Variants in KCP observed in about 807,000 individuals in gnomAD.
KCP encodes the protein kielin/chordin-like protein.
In KCP, 194 loss-of-function variants were observed where a neutral mutation model predicts 212.7. The observed-to-expected ratio is 0.91, with a 90% CI of 0.81 to 1.03. The LOEUF is 1.03. KCP is among the 50% of genes least tolerant of loss of function. The pLI is 0.00. For synonymous variants in KCP, 833 were observed against 865.3 expected (o/e 0.96, Z 0.65); for missense variants, 2,080 against 2,162.5 (o/e 0.96, Z 0.76).
chr7:128,877,539 G>A lies in KCP; in HGVS notation c.4563C>T (p.Ala1521=). 1 of 1,551,474 alleles carries A rather than the reference G, an allele frequency of 6.4e-7. No individual in the cohort carries two copies. The highest frequency in any genetic ancestry group is 8.7e-7 in the Non-Finnish European group (1 of 1,146,970). The change falls in exon 39 of 40, where the codon GCC becomes GCT. Residue 1521 remains alanine (A), a synonymous_variant. Coordinates refer to ENST00000610776, the MANE Select transcript of KCP (RefSeq NM_001366122.1). The stretch of plus-strand genomic sequence containing the variant: ...TCACTCCTGCCTGGCGACAGTGACT[G>A]GCGTAGGCTTCCAGGGCATCACAGA... ...ACLCDALEAY[A]SHCRQAGVTP...
rs1480844792 is a variant in KCP, at chr7:128,888,928, G to A, written c.2447C>T (p.Pro816Leu). 6.4e-7 allele frequency: 1 copy of A among 1,550,658 alleles called. No individual in the cohort carries two copies. The highest frequency in any genetic ancestry group is 1.4e-5 in the African/African-American group (1 of 72,956). ...GTGGCTGCAGCCCGGAGGCTCACAG[G>A]GCCGGCGGCCGCAGGTCACGAAGCC... The part of the protein sequence containing the change: ...LGGFVTCGRR[P>L]CEPPGCSHPL... Residue 816 changes from proline to leucine, a missense_variant, in exon 22 of 40, where the codon CCC becomes CTC. Pro to Leu is a moderately conservative substitution (Grantham distance 98). Coordinates refer to ENST00000610776, the MANE Select transcript of KCP (RefSeq NM_001366122.1).
rs1404128076 is a variant in KCP at position 128,883,996 on chromosome 7, A to G, written c.3244+6T>C. 6.5e-6 allele frequency: 10 copies of G among 1,547,912 alleles called. No homozygotes were observed. In the African/African-American group the frequency reaches 1.1e-4, roughly 17 times the overall value. On this transcript the variant is annotated splice_donor_region_variant and intron_variant, in intron 29 of 39. Transcript: ENST00000610776. Reference sequence around the variant, plus strand: ...ATCTCATCTACCCCCACATCCCTGGACTCACCGGCACAGGTGGGACAGCAG... The same window carrying G: ...ATCTCATCTACCCCCACATCCCTGGGCTCACCGGCACAGGTGGGACAGCAG...
chr7:128,885,643 G>A (rs552765651), intron 26 of KCP, among the ~76,000 whole-genome samples: 6 of 152,168 alleles, frequency 3.9e-5, no homozygotes, highest in South Asian at 2.1e-4. Context: ...CAGTCTCTCC[G>A]GGCCTCAGTC....
chr7:128,880,006 T>G lies in KCP; in HGVS notation c.3839A>C (p.Asp1280Ala), dbSNP rs1585193480. The change falls in exon 35 of 40, where the codon GAC (aspartate) becomes GCC (alanine). Residue 1280 changes from aspartate (D) to alanine (A), a missense_variant. Transcript: ENST00000610776. ...GCCGTCGAAGGTGCGGTAATGGGGG[T>G]CTCCGAAGGCCATGCAGGAAGCGGG... is the stretch of plus-strand genomic sequence containing the variant. ...PRPASCMAFGDPHYRTFDGRL... is the reference protein window; with the variant it reads ...PRPASCMAFGAPHYRTFDGRL... 6.5e-7 allele frequency: 1 copy of G among 1,549,278 alleles called. No individual in the cohort carries two copies. The highest frequency in any genetic ancestry group is 8.7e-7 in the Non-Finnish European group (1 of 1,146,686).
At chr7:128,908,675 A>T (rs1585264036) in intron 1 of KCP, 107 bp from the exon 2 acceptor site, 1 of 1,226,714 alleles carries the variant, frequency 8.2e-7, no homozygotes, top group African/African-American at 1.5e-5. Context: ...CATCCTGTGC[A>T]CCCTGCCCTC....
chr7:128,887,993 A>AT (rs756884960), intron 22 of KCP, among the ~76,000 whole-genome samples: 2 of 143,708 alleles, frequency 1.4e-5, no homozygotes, highest in African/African-American at 2.6e-5. Flanking sequence ...ACACACAGAG[A>AT]CCCCCCCACA....
chr7:128,888,862 C>T lies in KCP; in HGVS notation c.2512+1G>A. On this transcript the variant is annotated splice_donor_variant, in intron 22 of 39. Transcript: ENST00000610776. LOFTEE classifies it high-confidence loss of function. ...GAATGGAAGGGCAGGTGTGGCTCTA[C>T]CCTGGCAGGTCGGGCAGCAGTGCCC... 1 of 1,548,696 alleles carries T rather than the reference C, an allele frequency of 6.5e-7. No individual in the cohort carries two copies. Among genetic ancestry groups the T allele is most frequent in the South Asian group, 1.2e-5 (1 of 83,954 alleles).
chr7:128,877,169 AGGGCAC>A lies in KCP; in HGVS notation c.4755_4760del (p.Gln1585_Pro1587delinsHis). On this transcript the variant is annotated inframe_deletion, in exon 40 of 40. Coordinates refer to ENST00000610776, the MANE Select transcript of KCP (RefSeq NM_001366122.1). ...GGGCCTCATGCTCCACCAGGCCTGC[AGGGCAC>A]TGGCAGCCGGGCACGCAGGGCCTCA... is the stretch of plus-strand genomic sequence containing the variant. 1 of 1,493,630 alleles carries A rather than the reference AGGGCAC, an allele frequency of 6.7e-7. No individual in the cohort carries two copies. Among genetic ancestry groups the A allele is most frequent in the Non-Finnish European group, 8.9e-7 (1 of 1,122,284 alleles). The allele number at this position is 1,493,630 out of a possible 1,614,324, so 92.5% of individuals were successfully genotyped here.
intron 22 of KCP, 82 bp downstream of exon 22, chr7:128,888,781 G>C: frequency 7.5e-7 from 1 of 1,329,964 alleles, no homozygotes; most frequent in Non-Finnish European, 1.0e-6. Context: ...GGCAGTGGGA[G>C]GGCTGGGAGG....
In KCP at chr7:128,880,991, G is replaced by C. The variant is rs1399370346; in HGVS notation, c.3513+6C>G. 2.5e-6 allele frequency: 1 copy of C among 398,842 alleles called. No homozygotes were observed. Among genetic ancestry groups the C allele is most frequent in the Non-Finnish European group, 4.4e-6 (1 of 226,340 alleles). The allele number at this position is 398,842 out of a possible 1,614,324, so 24.7% of individuals were successfully genotyped here. The stretch of plus-strand genomic sequence containing the variant: ...CCTCCACCCTCCCAGGCCCACCCCA[G>C]CTCACATGGCAGGTGCAGGCGATGC... On this transcript the variant is annotated splice_donor_region_variant and intron_variant, in intron 32 of 39. Coordinates refer to ENST00000610776, the MANE Select transcript of KCP (RefSeq NM_001366122.1).
chr7:128,907,378 G>T lies in KCP; in HGVS notation c.295C>A (p.Leu99Met). Residue 99 changes from leucine to methionine, a missense_variant, in exon 3 of 40, where the codon CTG becomes ATG. Physicochemically the swap from Leu to Met is conservative, Grantham distance 15. Coordinates refer to ENST00000610776, the MANE Select transcript of KCP (RefSeq NM_001366122.1). ...CHPASPQCWG[L>M]GRAWPEGARW... ...GCCCCCTCGGGCCAGGCACGCCCCA[G>T]CCCCCAGCACTGGGGAGATGCAGGG... The T allele has an allele frequency of 6.5e-7, 1 of 1,540,962 alleles. No individual in the cohort carries two copies.
At chr7:128,880,239 C>G (rs1247325993) in intron 34 of KCP, 147 bp downstream of exon 34, 2 of 1,283,828 alleles carry the variant, frequency 1.6e-6, no homozygotes, top group Non-Finnish European at 2.1e-6. Context: ...GGCACCACAT[C>G]GTGGTCGCAC....
chr7:128,906,883 T>G (rs991042240), intron 4 of KCP, among the ~76,000 whole-genome samples: 6 of 152,072 alleles, frequency 3.9e-5, no homozygotes, highest in Admixed American at 1.3e-4. Flanking sequence ...TCCATGCCAC[T>G]GTTGGCCAGG....
intron 32 of KCP, 72 bp from the exon 33 acceptor site, chr7:128,880,793 T>C: frequency 5.0e-6 from 2 of 403,906 alleles, no homozygotes; most frequent in Non-Finnish European, 8.7e-6. Context: ...TCTGGGGGCC[T>C]CTGGGCATGG....
rs764850310 is a variant in KCP, at chr7:128,886,490, C to G, written c.2840G>C (p.Arg947Pro). ...PLPCKLQVTE[R>P]GSCCPRCRGC... is the part of the protein sequence containing the mutation. ...TCTGCAGCGAGGGCAGCAGCTCCCC[C>G]GCTCGGTGACCTGGAGCTTGCAGGG... The change falls in exon 26 of 40, where the codon CGG becomes CCG. Residue 947 changes from arginine to proline, a missense_variant. By Grantham distance (103) the Arg-to-Pro change is moderately radical (BLOSUM62 -2). Coordinates refer to ENST00000610776, the MANE Select transcript of KCP (RefSeq NM_001366122.1). 12 of 1,550,116 alleles carry G rather than the reference C, an allele frequency of 7.7e-6. No homozygotes were observed. Among genetic ancestry groups the G allele is most frequent in the African/African-American group, 1.4e-5 (1 of 72,992 alleles).
In KCP at chr7:128,881,720, C is replaced by T. The variant is rs1222226732; in HGVS notation, c.3330G>A (p.Leu1110=). The T allele has an allele frequency of 6.5e-7, 1 of 1,535,480 alleles. No homozygotes were observed. The change falls in exon 31 of 40, where the codon CTG becomes CTA. Residue 1110 remains leucine, a synonymous_variant. Coordinates refer to ENST00000610776, the MANE Select transcript of KCP (RefSeq NM_001366122.1). ...AAGCCTGGTGGATGCAGAGCCATGT[C>T]AGGTCCTGCCCATGTGAACACAAGA... ...DPCYTCQCQD[L]TWLCIHQACP... is the part of the protein sequence containing the mutation.
Position 128,879,540 on chromosome 7 carries a change from G to T in KCP, c.4128C>A (p.His1376Gln). The T allele has an allele frequency of 6.5e-7, 1 of 1,550,008 alleles. No homozygotes were observed. Among genetic ancestry groups the T allele is most frequent in the East Asian group, 2.4e-5 (1 of 40,910 alleles). Residue 1376 changes from histidine (H) to glutamine (Q), a missense_variant, in exon 37 of 40, where the codon CAC becomes CAA. Coordinates refer to ENST00000610776, the MANE Select transcript of KCP (RefSeq NM_001366122.1). The stretch of plus-strand genomic sequence containing the variant: ...GCCGCACCTGGAGCCCGGGCTGGGC[G>T]TGCAGGATCACAGTGTGTCCTCGCA... ...VELRGHTVIL[H>Q]AQPGLQVLWD...
At chr7:128,906,412 G>C (rs1201909155) in intron 4 of KCP, 49 bp from the exon 5 acceptor site, 1 of 1,326,554 alleles carries the variant, frequency 7.5e-7, no homozygotes, top group East Asian at 2.5e-5. Flanking sequence ...TTCCTGGAGG[G>C]CAGGGCCTCT....
At chr7:128,878,488 A>G in intron 38 of KCP, 70 bp downstream of exon 38, 2 of 1,454,716 alleles carry the variant, frequency 1.4e-6, no homozygotes, top group Admixed American at 2.3e-5. Context: ...TCCATGCCAG[A>G]GGGTTGCTCT....
Sources: allele counts gnomAD v4.1 joint callset (sites outside exome capture counted in the v4.1 genomes callset), GRCh38; gene constraint gnomAD v4.1.1; transcripts MANE v1.5; gene names NCBI Gene and HGNC (gene_info 2026-07-23, HGNC 2026-07-21).